The following SEC24D variants were observed in gnomAD, a reference collection of about 807,000 sequenced individuals.
The protein encoded by SEC24D is protein transport protein Sec24D.
A neutral mutation model predicts 116.9 loss-of-function variants in SEC24D; 69 were observed. The observed-to-expected ratio is 0.59, with a 90% CI of 0.49 to 0.72. The LOEUF (loss-of-function observed/expected upper bound fraction) is 0.72, where lower values mean the gene tolerates loss of function less well. Ranked by LOEUF, SEC24D falls within the 30% of genes least tolerant of loss-of-function variation. The pLI is 0.00. For synonymous variants in SEC24D, 405 were observed against 442.8 expected (o/e 0.91, Z 1.07); for missense variants, 1,131 against 1,264.1 (o/e 0.89, Z 1.60).
chr4:118,769,361 G>A (rs913287043), intron 8 of SEC24D, among the ~76,000 whole-genome samples: 8 of 152,048 alleles, frequency 5.3e-5, no homozygotes, highest in African/African-American at 1.4e-4. Flanking sequence ...TCTGGCTTTC[G>A]GGAGAAAACC....
At chr4:118,811,439 C>T (rs1402638641) in intron 6 of SEC24D, among the ~76,000 whole-genome samples, 1 of 152,212 alleles carries the variant, frequency 6.6e-6, no homozygotes, top group African/African-American at 2.4e-5. Context: ...CAGTCTAAGT[C>T]TAAATGGTGC....
At position 118,833,629 on chromosome 4, in the gene SEC24D, G is replaced by A; in HGVS notation, c.68C>T (p.Pro23Leu). Residue 23 changes from proline (P) to leucine (L), a missense_variant, in exon 2 of 23, where the codon CCA (proline) becomes CTA (leucine). By Grantham distance (98) the Pro-to-Leu change is moderately conservative (BLOSUM62 -3). Coordinates refer to ENST00000280551, the MANE Select transcript of SEC24D (RefSeq NM_014822.4). ...ATCCCCATAGTGCCCATAATGAGGT[G>A]GAGAAAGGCCTATTCCAGGCTGAGG... ...SQPQPGIGLSPPHYGHYGDPS... is the reference protein window; with the variant it reads ...SQPQPGIGLSLPHYGHYGDPS... 6.2e-7 allele frequency: 1 copy of A among 1,614,076 alleles called. No homozygotes were observed. The highest frequency in any genetic ancestry group is 8.5e-7 in the Non-Finnish European group (1 of 1,179,976).
Position 118,752,701 on chromosome 4 carries a change from GAATC to G in SEC24D, c.1605_1608del (p.His537IlefsTer31). 6.3e-7 allele frequency: 1 copy of G among 1,594,376 alleles called. No individual in the cohort carries two copies. The highest frequency in any genetic ancestry group is 8.5e-7 in the Non-Finnish European group (1 of 1,171,584). On this transcript the variant is annotated frameshift_variant, in exon 12 of 23. Transcript: ENST00000280551. LOFTEE classifies it high-confidence loss of function. ...TATAAAACACTTGATATTTACTTAT[GAATC>G]ACAGATTGGGATTCTTGATAGTTGA...
intron 7 of SEC24D, among the ~76,000 whole-genome samples, chr4:118,801,386 A>C (rs1729438264): frequency 6.6e-6 from 1 of 152,178 alleles, no homozygotes; most frequent in Admixed American, 6.5e-5. Flanking sequence ...AGACAGGTAA[A>C]CTGGTCCATT....
chr4:118,773,383 G>A (rs1727996414), intron 8 of SEC24D, among the ~76,000 whole-genome samples: 1 of 152,194 alleles, frequency 6.6e-6, no homozygotes, highest in Admixed American at 6.5e-5. Context: ...GCCTGATTAA[G>A]GATCATATTC....
intron 8 of SEC24D, among the ~76,000 whole-genome samples, chr4:118,778,339 C>T (rs1229632435): frequency 6.6e-6 from 1 of 152,194 alleles, no homozygotes; most frequent in Non-Finnish European, 1.5e-5. Flanking sequence ...AGCCAGTTTT[C>T]TCAGCACCAT....
At chr4:118,751,176 C>CTGTTTTTTTTTT (rs1726808206) in intron 13 of SEC24D, among the ~76,000 whole-genome samples, 2 of 100,326 alleles carry the variant, frequency 2.0e-5, no homozygotes, top group Admixed American at 1.4e-4. Flanking sequence ...AGAGTGAGGG[C>CTGTTTTTTTTTT]TTTTTTTTTT....
intron 10 of SEC24D, among the ~76,000 whole-genome samples, chr4:118,762,680 A>C (rs919035366): frequency 3.3e-5 from 5 of 152,188 alleles, no homozygotes; most frequent in African/African-American, 1.2e-4. Context: ...TTTACATTTT[A>C]AATTATAATC....
intron 2 of SEC24D, among the ~76,000 whole-genome samples, chr4:118,831,390 TA>T (rs139204506): frequency 0.041 from 6,166 of 152,114 alleles, 190 homozygotes; most frequent in Non-Finnish European, 0.063. Flanking sequence ...TAAATGATGC[TA>T]ATGAGTGAGA....
At chr4:118,833,932 A>G (rs1730985576) in intron 1 of SEC24D, among the ~76,000 whole-genome samples, 195 bp from the exon 2 acceptor site, 1 of 152,256 alleles carries the variant, frequency 6.6e-6, no homozygotes, top group South Asian at 2.1e-4. Context: ...TCTGAAACTC[A>G]GTAAATCACT....
At chr4:118,827,146 C>G (rs1404762512) in intron 2 of SEC24D, among the ~76,000 whole-genome samples, 2 of 152,088 alleles carry the variant, frequency 1.3e-5, no homozygotes, top group African/African-American at 4.8e-5. Flanking sequence ...ACGACCAGGA[C>G]AGGGGAAAGG....
Position 118,756,203 on chromosome 4 carries a change from A to G in SEC24D, c.1421+1518T>C, listed in dbSNP as rs569876734. Among the ~76,000 whole-genome samples the G allele has an allele frequency of 2.5e-3, 378 of 152,224 alleles. 1 individual carries two copies. Among genetic ancestry groups the G allele is most frequent in the African/African-American group, 8.7e-3 (361 of 41,560 alleles). Reference sequence around the variant, plus strand: ...AAATTCAGATTAAACCAACCCCATGAGAGAGTTCTGTAATAAAATACATCA... The same window carrying G: ...AAATTCAGATTAAACCAACCCCATGGGAGAGTTCTGTAATAAAATACATCA... On this transcript the variant is annotated intron_variant, in intron 11 of 22. Transcript: ENST00000280551.
At chr4:118,736,980 T>G (rs1193463778) in intron 19 of SEC24D, among the ~76,000 whole-genome samples, 1 of 152,234 alleles carries the variant, frequency 6.6e-6, no homozygotes, top group Non-Finnish European at 1.5e-5. Context: ...GGTCTTTGAA[T>G]CCAGTTGTTT....
intron 4 of SEC24D, chr4:118,816,653 A>G (rs1730161849): frequency 6.9e-6 from 2 of 289,122 alleles, no homozygotes; most frequent in Non-Finnish European, 1.4e-5. Flanking sequence ...ATGATACTTC[A>G]GAAAACTAAT....
rs189935020 is a variant in SEC24D, at chr4:118,731,013, A to G, written c.2868+303T>C. Reference sequence around the variant, plus strand: ...ACCATATCCATCTCACTGATTTGTTATGACAATTAACTGAAATGGTATATT... The same window carrying G: ...ACCATATCCATCTCACTGATTTGTTGTGACAATTAACTGAAATGGTATATT... On this transcript the variant is annotated intron_variant, in intron 21 of 22. Coordinates refer to ENST00000280551, the MANE Select transcript of SEC24D (RefSeq NM_014822.4). 5 of 334,142 alleles carry G rather than the reference A, an allele frequency of 1.5e-5. No homozygotes were observed. In the Admixed American group the frequency reaches 1.7e-4, roughly 11 times the overall value. The allele number at this position is 334,142 out of a possible 1,614,324, so 20.7% of individuals were successfully genotyped here. A position where few individuals can be genotyped will look rare whatever the true frequency, so the allele number is the denominator to read the frequency against.
intron 2 of SEC24D, among the ~76,000 whole-genome samples, chr4:118,827,127 G>C (rs1022872558): frequency 2.6e-5 from 4 of 152,188 alleles, no homozygotes; most frequent in Admixed American, 1.3e-4. Context: ...AGACATGAGA[G>C]AGGATGGCAC....
chr4:118,762,020 C>T (rs1332934416), intron 10 of SEC24D, among the ~76,000 whole-genome samples: 56 of 151,670 alleles, frequency 3.7e-4, no homozygotes, highest in Admixed American at 3.6e-3. Flanking sequence ...TTACAGCACA[C>T]AGACAAGTAC....
chr4:118,817,857 A>G (rs1344553341), intron 3 of SEC24D, among the ~76,000 whole-genome samples: 1 of 151,548 alleles, frequency 6.6e-6, no homozygotes, highest in Non-Finnish European at 1.5e-5. Flanking sequence ...TGGGCAACAT[A>G]GTGAGACCCC....
intron 8 of SEC24D, among the ~76,000 whole-genome samples, chr4:118,786,790 A>C: frequency 6.6e-6 from 1 of 152,294 alleles, no homozygotes; most frequent in South Asian, 2.1e-4. Context: ...TGGGTCCTCA[A>C]TCTAGTGATT....
Sources: gnomAD v4.1 joint callset for allele counts (sites outside exome capture counted in the v4.1 genomes callset) on GRCh38, gnomAD v4.1.1 for gene constraint, MANE v1.5 for transcripts, NCBI Gene and HGNC (gene_info 2026-07-23, HGNC 2026-07-21) for gene names.